DLG2: variants seen among roughly 807,000 people sequenced by gnomAD.
The protein encoded by DLG2 is discs large MAGUK scaffold protein 2.
A neutral mutation model predicts 132.5 loss-of-function variants in DLG2; 45 were observed. That is an observed-to-expected ratio of 0.34 (90% CI 0.27 to 0.44). The LOEUF (loss-of-function observed/expected upper bound fraction) is 0.44. Ranked by LOEUF, DLG2 falls within the 20% of genes least tolerant of loss-of-function variation. The probability of loss-of-function intolerance (pLI) is 1.00; values close to 1 mark genes in which losing one functional copy is unlikely to be tolerated. For synonymous variants in DLG2, 424 were observed against 419.6 expected (o/e 1.01, Z -0.13); for missense variants, 1,045 against 1,196.9 (o/e 0.87, Z 1.87).
At chr11:83,562,119 C>T (rs1262013322) in intron 19 of DLG2, among the ~76,000 whole-genome samples, 1 of 151,696 alleles carries the variant, frequency 6.6e-6, no homozygotes, top group African/African-American at 2.4e-5. Flanking sequence ...GATCTCTTGA[C>T]CTCGTGATCC....
At chr11:84,290,812 T>G (rs1301046014) in intron 7 of DLG2, among the ~76,000 whole-genome samples, 1 of 152,282 alleles carries the variant, frequency 6.6e-6, no homozygotes, top group Non-Finnish European at 1.5e-5. Context: ...TGGTAGTACA[T>G]TGTTTAAAAA....
intron 8 of DLG2, among the ~76,000 whole-genome samples, chr11:84,192,556 C>T (rs2096432386): frequency 6.6e-6 from 1 of 151,938 alleles, no homozygotes; most frequent in Non-Finnish European, 1.5e-5. Context: ...TGGTGAAATC[C>T]TGTCTCTAAT....
chr11:85,294,904 A>G (rs553442778), intron 3 of DLG2, among the ~76,000 whole-genome samples: 1 of 152,178 alleles, frequency 6.6e-6, no homozygotes, highest in Non-Finnish European at 1.5e-5. Context: ...GAAGGAACAC[A>G]GTATTTTTGT....
intron 6 of DLG2, among the ~76,000 whole-genome samples, chr11:84,535,026 T>C (rs548608303): frequency 3.3e-5 from 5 of 152,330 alleles, no homozygotes; most frequent in African/African-American, 1.2e-4. Flanking sequence ...GAACATTTAC[T>C]TTATTCAAGT....
chr11:84,901,387 A>G (rs540195818), intron 6 of DLG2, among the ~76,000 whole-genome samples: 1 of 152,236 alleles, frequency 6.6e-6, no homozygotes, highest in African/African-American at 2.4e-5. Context: ...AAGAGATGCC[A>G]TAGCCAAGTT....
At chr11:84,382,288 G>T (rs962830710) in intron 7 of DLG2, among the ~76,000 whole-genome samples, 1 of 151,998 alleles carries the variant, frequency 6.6e-6, no homozygotes, top group African/African-American at 2.4e-5. Context: ...CCAGACAGCT[G>T]TCATCAAACT....
intron 3 of DLG2, among the ~76,000 whole-genome samples, chr11:85,295,167 G>A (rs1161417491): frequency 6.6e-6 from 1 of 152,108 alleles, no homozygotes; most frequent in African/African-American, 2.4e-5. Context: ...CATTCAAGAT[G>A]TAGGAACGTT....
At chr11:84,647,808 A>T (rs2099676780) in intron 6 of DLG2, among the ~76,000 whole-genome samples, 1 of 152,176 alleles carries the variant, frequency 6.6e-6, no homozygotes, top group African/African-American at 2.4e-5. Flanking sequence ...TTATTACCCA[A>T]ATTGGTGTGA....
intron 7 of DLG2, among the ~76,000 whole-genome samples, chr11:84,373,602 A>G (rs1469643307): frequency 6.6e-6 from 1 of 152,028 alleles, no homozygotes; most frequent in Non-Finnish European, 1.5e-5. Context: ...AATACCAGTT[A>G]GGGTGCTTGT....
chr11:84,711,679 C>T (rs1241381769), intron 6 of DLG2, among the ~76,000 whole-genome samples: 1 of 152,012 alleles, frequency 6.6e-6, no homozygotes, highest in Non-Finnish European at 1.5e-5. Context: ...GCAGGAGGAG[C>T]TCCCTCTTAC....
intron 6 of DLG2, among the ~76,000 whole-genome samples, chr11:84,660,267 T>A (rs998306248): frequency 6.6e-6 from 1 of 152,230 alleles, no homozygotes; most frequent in South Asian, 2.1e-4. Flanking sequence ...AGGAACTGAG[T>A]GTAAAGGTCA....
At chr11:84,166,614 T>C (rs2095672305) in intron 8 of DLG2, among the ~76,000 whole-genome samples, 2 of 152,186 alleles carry the variant, frequency 1.3e-5, no homozygotes, top group African/African-American at 4.8e-5. Flanking sequence ...AGTACAGTAT[T>C]AAATAAGGAT....
chr11:85,435,663 G>C (rs538030261), intron 3 of DLG2, among the ~76,000 whole-genome samples: 1 of 152,094 alleles, frequency 6.6e-6, no homozygotes, highest in Admixed American at 6.6e-5. Context: ...AATAAGAGAG[G>C]ACACAAACAA....
At chr11:85,563,576 A>G (rs1025248090) in intron 3 of DLG2, among the ~76,000 whole-genome samples, 2 of 151,774 alleles carry the variant, frequency 1.3e-5, no homozygotes, top group African/African-American at 2.4e-5. Context: ...GTACTCTTTC[A>G]TATCTGGCTT....
intron 6 of DLG2, among the ~76,000 whole-genome samples, chr11:84,987,873 A>T (rs2056668003): frequency 6.6e-6 from 1 of 152,222 alleles, no homozygotes; most frequent in Non-Finnish European, 1.5e-5. Context: ...GGATTTCATG[A>T]CCAAGAACCC....
At chr11:85,088,122 A>G (rs1436016238) in intron 6 of DLG2, among the ~76,000 whole-genome samples, 1 of 152,172 alleles carries the variant, frequency 6.6e-6, no homozygotes, top group Non-Finnish European at 1.5e-5. Flanking sequence ...ATTAGTAAAT[A>G]TGGAGACAAA....
chr11:84,537,830 AATGG>A (rs1461422875), intron 6 of DLG2, among the ~76,000 whole-genome samples: 1 of 152,228 alleles, frequency 6.6e-6, no homozygotes, highest in African/African-American at 2.4e-5. Context: ...CCATTACACA[AATGG>A]ATGAAATAGA....
At chr11:85,378,282 G>T (rs1200221318) in intron 3 of DLG2, among the ~76,000 whole-genome samples, 1 of 152,062 alleles carries the variant, frequency 6.6e-6, no homozygotes, top group South Asian at 2.1e-4. Flanking sequence ...TGAATTTTTT[G>T]TGATTATTCA....
At chr11:84,547,934 G>A (rs1487170451) in intron 6 of DLG2, among the ~76,000 whole-genome samples, 1 of 152,164 alleles carries the variant, frequency 6.6e-6, no homozygotes, top group Non-Finnish European at 1.5e-5. Flanking sequence ...TAGTCAAGAA[G>A]CCTGTCACTA....
Sources: gnomAD v4.1 joint callset for allele counts (sites outside exome capture counted in the v4.1 genomes callset) on GRCh38, gnomAD v4.1.1 for gene constraint, MANE v1.5 for transcripts, NCBI Gene and HGNC (gene_info 2026-07-23, HGNC 2026-07-21) for gene names.